Variants in ACOT8 observed in about 807,000 individuals in gnomAD.
ACOT8 encodes acyl-coenzyme A thioesterase 8.
In ACOT8, 31 loss-of-function variants were observed where a neutral mutation model predicts 38.4. That is an observed-to-expected ratio of 0.81 (90% CI 0.61 to 1.09). ACOT8 has a LOEUF of 1.09. ACOT8 is among the 50% of genes least tolerant of loss of function. ACOT8 has a pLI of 0.00. For missense variants in ACOT8, 373 were observed against 421.8 expected (o/e 0.88, Z 1.01); for synonymous variants, 158 against 170.3 (o/e 0.93, Z 0.56).
At chr20:45,842,287 G>A (rs1984258380) in intron 5 of ACOT8, 2 of 1,427,256 alleles carry the variant, frequency 1.4e-6, no homozygotes, top group Non-Finnish European at 1.8e-6. Context: ...AGGAACCCCA[G>A]TTGACAGTTT....
At position 45,855,303 on chromosome 20, in the gene ACOT8, A is replaced by C; in HGVS notation, c.129-11T>G. 6.2e-7 allele frequency: 1 copy of C among 1,613,598 alleles called. No individual in the cohort carries two copies. Among genetic ancestry groups the C allele is most frequent in the Non-Finnish European group, 8.5e-7 (1 of 1,179,900 alleles). On this transcript the variant is annotated splice_polypyrimidine_tract_variant and intron_variant, in intron 1 of 5. Transcript: ENST00000217455. ...CAGTAATGCCTTCCTCTGTAGGGAG[A>C]GGGGGAAAGAGGGAAAGACTTGGGA...
Position 45,844,381 on chromosome 20 carries a change from G to T in ACOT8, c.528C>A (p.Asn176Lys). The T allele has an allele frequency of 6.2e-7, 1 of 1,614,130 alleles. No individual in the cohort carries two copies. Among genetic ancestry groups the T allele is most frequent in the Non-Finnish European group, 8.5e-7 (1 of 1,180,000 alleles). Residue 176 changes from asparagine (N) to lysine (K), a missense_variant, in exon 4 of 6, where the codon AAC becomes AAA. Asn to Lys is a moderately conservative substitution (Grantham distance 94). Coordinates refer to ENST00000217455, the MANE Select transcript of ACOT8 (RefSeq NM_005469.4). The part of the protein sequence containing the change: ...NLQKRYPLAL[N>K]RIAAQEVPIE... ...TGGGGACCTCCTGAGCAGCAATTCG[G>T]TTGAGCGCCAATGGGTACCTCTTTT...
chr20:45,845,603 C>T (rs1466548086), intron 3 of ACOT8, among the ~76,000 whole-genome samples: 1 of 152,160 alleles, frequency 6.6e-6, no homozygotes, highest in Non-Finnish European at 1.5e-5. Flanking sequence ...GAGCCCATTC[C>T]AAGGAACTCC....
At chr20:45,847,410 T>C (rs994100186) in intron 3 of ACOT8, among the ~76,000 whole-genome samples, 3 of 151,614 alleles carry the variant, frequency 2.0e-5, no homozygotes, top group Admixed American at 1.3e-4. Flanking sequence ...GAAGTATTTC[T>C]ATATACATAT....
chr20:45,847,108 G>A (rs1984732843), intron 3 of ACOT8, among the ~76,000 whole-genome samples: 1 of 152,166 alleles, frequency 6.6e-6, no homozygotes, highest in African/African-American at 2.4e-5. Context: ...TGCTTGGGAG[G>A]CTGAGGCACG....
In ACOT8 at chr20:45,843,773, C is replaced by G. The variant is rs768197600; in HGVS notation, c.647-52G>C. The G allele has an allele frequency of 3.1e-6, 5 of 1,594,304 alleles. No individual in the cohort carries two copies. In the South Asian group the frequency reaches 3.3e-5, roughly 11 times the overall value. On this transcript the variant is annotated intron_variant, in intron 4 of 5. Coordinates refer to ENST00000217455, the MANE Select transcript of ACOT8 (RefSeq NM_005469.4). ...GCTCCTGGGCTTTCCAGCTCAGGAC[C>G]TGCACGGAGGTAGGGGGAAAAGGGA...
rs377650044 is a variant in ACOT8, at chr20:45,843,727, A to G, written c.647-6T>C. On this transcript the variant is annotated splice_region_variant and splice_polypyrimidine_tract_variant and intron_variant, in intron 4 of 5. Coordinates refer to ENST00000217455, the MANE Select transcript of ACOT8 (RefSeq NM_005469.4). ...CATCTTCATGTCGCCCTCGCCTGCA[A>G]CAGGTCCCCATCAGCCCTGGGCTCC... The G allele has an allele frequency of 1.2e-6, 2 of 1,605,752 alleles. No individual in the cohort carries two copies. Among genetic ancestry groups the G allele is most frequent in the African/African-American group, 2.7e-5 (2 of 74,792 alleles).
intron 2 of ACOT8, among the ~76,000 whole-genome samples, chr20:45,854,860 C>T (rs1985307101): frequency 6.6e-6 from 1 of 152,128 alleles, no homozygotes; most frequent in South Asian, 2.1e-4. Flanking sequence ...GCGCTCCGCA[C>T]CAGGAGCTAT....
In ACOT8 at chr20:45,848,344, T is replaced by C. The variant is rs540898193; in HGVS notation, c.488+106A>G. 1.1e-5 allele frequency: 11 copies of C among 1,008,192 alleles called. No individual in the cohort carries two copies. In the South Asian group the frequency reaches 1.6e-4, roughly 15 times the overall value. 62.5% of individuals were successfully genotyped at this position (1,008,192 alleles called of 1,614,324 possible). Reference sequence around the variant, plus strand: ...CACTCCAGTATCTTCTTTTCTAATCTGTATTTTAAAAATGCTGGTCAAGAC... The same window carrying C: ...CACTCCAGTATCTTCTTTTCTAATCCGTATTTTAAAAATGCTGGTCAAGAC... On this transcript the variant is annotated intron_variant, in intron 3 of 5. Transcript: ENST00000217455.
chr20:45,842,802 G>C (rs1032011817), intron 5 of ACOT8: 1 of 990,588 alleles, frequency 1.0e-6, no homozygotes, highest in African/African-American at 1.7e-5. Flanking sequence ...TATCAATCTT[G>C]GATTGTGATG....
At chr20:45,857,157 G>T in intron 1 of ACOT8, 31 bp downstream of exon 1, 1 of 1,600,332 alleles carries the variant, frequency 6.2e-7, no homozygotes, top group Non-Finnish European at 8.5e-7. Flanking sequence ...TGCCCTAAAG[G>T]AGGGGATGCT....
At chr20:45,855,780 A>G (rs1985376861) in intron 1 of ACOT8, among the ~76,000 whole-genome samples, 1 of 152,032 alleles carries the variant, frequency 6.6e-6, no homozygotes, top group Non-Finnish European at 1.5e-5. Context: ...AAATGTATAA[A>G]TGAATAAATA....
chr20:45,848,371 C>T, intron 3 of ACOT8, 79 bp downstream of exon 3: 1 of 1,257,274 alleles, frequency 8.0e-7, no homozygotes, highest in Non-Finnish European at 1.1e-6. Context: ...GGTCAAGACC[C>T]ACTAAAGGAT....
At chr20:45,843,112 G>C (rs754638607) in intron 5 of ACOT8, 37 of 1,060,848 alleles carry the variant, frequency 3.5e-5, no homozygotes, top group Non-Finnish European at 4.3e-5. Context: ...AATCTTGAGG[G>C]TGGAATCAGA....
rs1046629001 is a variant in ACOT8 at position 45,848,487 on chromosome 20, GCTC to G, written c.448_450del (p.Glu150del). The stretch of plus-strand genomic sequence containing the variant: ...TCAATGAGGGTCTCACAGTCAAGCA[GCTC>G]TTCTGGTGGTGGCACAGTGGGCATG... On this transcript the variant is annotated inframe_deletion, in exon 3 of 6. Transcript: ENST00000217455. The G allele has an allele frequency of 1.1e-5, 18 of 1,611,774 alleles. No homozygotes were observed. The highest frequency in any genetic ancestry group is 1.5e-5 in the Non-Finnish European group (18 of 1,178,524).
chr20:45,844,202 C>T (rs769359409), intron 4 of ACOT8, 61 bp downstream of exon 4: 6 of 1,609,064 alleles, frequency 3.7e-6, no homozygotes, highest in Non-Finnish European at 5.1e-6. Context: ...CAAGGCCACA[C>T]AGCAAATGAG....
chr20:45,857,382 A>G lies in ACOT8; in HGVS notation c.-67T>C. The stretch of plus-strand genomic sequence containing the variant: ...GACGCGGAGACATACACAGAACCTG[A>G]CTCTTCCGGCAGATTGCCCTAGTAA... On this transcript the variant is annotated 5_prime_UTR_variant, in exon 1 of 6. Coordinates refer to ENST00000217455, the MANE Select transcript of ACOT8 (RefSeq NM_005469.4). 7.3e-6 allele frequency: 11 copies of G among 1,515,190 alleles called. No homozygotes were observed. Among genetic ancestry groups the G allele is most frequent in the East Asian group, 2.5e-5 (1 of 40,030 alleles). 93.9% of individuals were successfully genotyped at this position (1,515,190 alleles called of 1,614,324 possible).
At chr20:45,856,656 G>T (rs1601105695) in intron 1 of ACOT8, among the ~76,000 whole-genome samples, 1 of 152,262 alleles carries the variant, frequency 6.6e-6, no homozygotes, top group Middle Eastern at 3.4e-3. Context: ...CTCCAGCCTG[G>T]GCAACAGAGC....
At chr20:45,851,015 A>T (rs751320098) in intron 2 of ACOT8, among the ~76,000 whole-genome samples, 2 of 152,108 alleles carry the variant, frequency 1.3e-5, no homozygotes, top group Non-Finnish European at 2.9e-5. Flanking sequence ...ACCTTGAGGA[A>T]CCCTGACATC....
Sources: gnomAD v4.1 joint callset for allele counts (sites outside exome capture counted in the v4.1 genomes callset) on GRCh38, gnomAD v4.1.1 for gene constraint, MANE v1.5 for transcripts, NCBI Gene and HGNC (gene_info 2026-07-23, HGNC 2026-07-21) for gene names.